The following SPPL3 variants were observed in gnomAD, a reference collection of about 807,000 sequenced individuals.
SPPL3 encodes signal peptide peptidase like 3.
In SPPL3, 5 loss-of-function variants were observed where a neutral mutation model predicts 42.4. That is an observed-to-expected ratio of 0.12 (90% confidence interval 0.06 to 0.25). The LOEUF (loss-of-function observed/expected upper bound fraction) is 0.25. Among genes scored for constraint, SPPL3 ranks in the 10% least tolerant of loss-of-function variants. The probability of loss-of-function intolerance (pLI) is 1.00; values close to 1 mark genes in which losing one functional copy is unlikely to be tolerated. For missense variants in SPPL3, 235 were observed against 489.0 expected, an observed-to-expected ratio of 0.48 and a Z score of 4.90; for synonymous variants, 195 against 181.8, an observed-to-expected ratio of 1.07 and a Z score of -0.58.
chr12:120,783,359 A>T (rs973680737), intron 5 of SPPL3, among the ~76,000 whole-genome samples: 11 of 152,296 alleles, frequency 7.2e-5, no homozygotes, highest in African/African-American at 2.2e-4. Context: ...CACTATTCTC[A>T]TATTTCATCA....
intron 1 of SPPL3, among the ~76,000 whole-genome samples, chr12:120,881,640 T>C (rs1446145595): frequency 2.0e-5 from 3 of 150,260 alleles, no homozygotes; most frequent in African/African-American, 7.4e-5. Context: ...AACTAAAAGG[T>C]GGAAGCAACT....
chr12:120,873,061 C>T (rs920769471), intron 1 of SPPL3, among the ~76,000 whole-genome samples: 2 of 152,060 alleles, frequency 1.3e-5, no homozygotes, highest in Non-Finnish European at 2.9e-5. Context: ...AACACAAGGA[C>T]GTTAAAACAA....
chr12:120,863,291 T>A (rs935364588), intron 1 of SPPL3, among the ~76,000 whole-genome samples: 2 of 151,672 alleles, frequency 1.3e-5, no homozygotes, highest in East Asian at 3.9e-4. Context: ...GAGGTTGCAG[T>A]GAGCTGAGAT....
At chr12:120,875,624 C>CAAAAAAAAAAA (rs60385982) in intron 1 of SPPL3, among the ~76,000 whole-genome samples, 1 of 103,616 alleles carries the variant, frequency 9.7e-6, no homozygotes, top group Non-Finnish European at 2.3e-5. Context: ...GACTCCATTT[C>CAAAAAAAAAAA]AAAAAAAAAA....
intron 6 of SPPL3, among the ~76,000 whole-genome samples, chr12:120,781,271 A>C (rs1296868164): frequency 6.6e-6 from 1 of 152,140 alleles, no homozygotes. Flanking sequence ...AGCCTATCTG[A>C]AAGGCAATAT....
intron 1 of SPPL3, among the ~76,000 whole-genome samples, chr12:120,852,747 T>A (rs1021453446): frequency 7.0e-5 from 5 of 71,336 alleles, no homozygotes; most frequent in Admixed American, 2.1e-4. Context: ...ATAATATATT[T>A]CATATATTAT....
chr12:120,783,853 T>A, intron 4 of SPPL3, 101 bp from the exon 5 acceptor site: 1 of 951,628 alleles, frequency 1.1e-6, no homozygotes, highest in Non-Finnish European at 1.6e-6. Flanking sequence ...TGGATACGGT[T>A]AATTGACTAG....
chr12:120,838,028 G>A (rs180821255), intron 1 of SPPL3, among the ~76,000 whole-genome samples: 7 of 152,044 alleles, frequency 4.6e-5, no homozygotes, highest in East Asian at 3.9e-4. Flanking sequence ...GCAAGACTTC[G>A]TCTCAAAAAA....
At chr12:120,827,673 C>G (rs544870524) in intron 1 of SPPL3, among the ~76,000 whole-genome samples, 1 of 152,218 alleles carries the variant, frequency 6.6e-6, no homozygotes, top group African/African-American at 2.4e-5. Flanking sequence ...CTTGTGCCCC[C>G]CAGCCTCAGC....
intron 1 of SPPL3, among the ~76,000 whole-genome samples, chr12:120,864,289 C>A (rs1872698882): frequency 6.6e-6 from 1 of 152,146 alleles, no homozygotes; most frequent in South Asian, 2.1e-4. Context: ...GATCCCAGCA[C>A]TTTGGGAGGC....
intron 1 of SPPL3, among the ~76,000 whole-genome samples, chr12:120,849,082 G>A (rs1014196699): frequency 2.0e-5 from 3 of 152,090 alleles, no homozygotes; most frequent in African/African-American, 4.8e-5. Flanking sequence ...TGGGAGGATT[G>A]CGTGAGCCCA....
In SPPL3 at chr12:120,821,909, C is replaced by T. The variant is rs111857564; in HGVS notation, c.24-11023G>A. Reference sequence around the variant, plus strand: ...TACAGCCATCCAATCAAATATTATTCATCCTTAAAAAAGAAGAAAATTCTG... The same window carrying T: ...TACAGCCATCCAATCAAATATTATTTATCCTTAAAAAAGAAGAAAATTCTG... On this transcript the variant is annotated intron_variant, in intron 1 of 10. Transcript: ENST00000353487. Among the ~76,000 whole-genome samples the T allele has an allele frequency of 8.5e-5, 13 of 152,200 alleles. 1 individual carries two copies. The highest frequency in any genetic ancestry group is 2.9e-4 in the African/African-American group (12 of 41,534).
chr12:120,877,767 G>A (rs1162831717), intron 1 of SPPL3, among the ~76,000 whole-genome samples: 1 of 140,624 alleles, frequency 7.1e-6, no homozygotes, highest in Non-Finnish European at 1.5e-5. Flanking sequence ...GGCAACAAGA[G>A]TGAAACTCCG....
intron 1 of SPPL3, among the ~76,000 whole-genome samples, chr12:120,897,717 C>T (rs559421301): frequency 8.5e-5 from 13 of 152,108 alleles, no homozygotes; most frequent in African/African-American, 1.4e-4. Flanking sequence ...AGCGAGACTC[C>T]GTCTCAAAAA....
At chr12:120,809,532 T>G (rs1870611868) in intron 2 of SPPL3, among the ~76,000 whole-genome samples, 1 of 152,206 alleles carries the variant, frequency 6.6e-6, no homozygotes, top group Admixed American at 6.5e-5. Context: ...TTATCCCTAT[T>G]ACTTCCTTTC....
intron 1 of SPPL3, among the ~76,000 whole-genome samples, chr12:120,847,215 CTAATT>C (rs1404048594): frequency 1.3e-5 from 2 of 152,038 alleles, no homozygotes; most frequent in African/African-American, 4.8e-5. Flanking sequence ...AATTTCAACA[CTAATT>C]AGAGAGGGAA....
chr12:120,818,897 A>G (rs1870965258), intron 1 of SPPL3, among the ~76,000 whole-genome samples: 1 of 152,264 alleles, frequency 6.6e-6, no homozygotes, highest in African/African-American at 2.4e-5. Flanking sequence ...TCTATTTTCC[A>G]AAACAAAACA....
In SPPL3 at chr12:120,763,819, T is replaced by TTTTTC. The variant is rs397782909; in HGVS notation, c.*1179_*1180insGAAAA. 1.3e-5 allele frequency: 2 copies of TTTTTC among 150,088 alleles called. No homozygotes were observed. The highest frequency in any genetic ancestry group is 1.9e-4 in the East Asian group (1 of 5,146). 9.3% of individuals were successfully genotyped at this position (150,088 alleles called of 1,614,324 possible). On this transcript the variant is annotated 3_prime_UTR_variant, in exon 11 of 11. Transcript: ENST00000353487. ...GTGTTGCTTTTTTCCTTTTTTTTTT[T>TTTTTC]CTTAAAGGAGTGAGGGCATGGAAAA... is the stretch of plus-strand genomic sequence containing the variant.
chr12:120,846,049 A>ACC (rs1194240827), intron 1 of SPPL3, among the ~76,000 whole-genome samples: 1 of 152,086 alleles, frequency 6.6e-6, no homozygotes, highest in African/African-American at 2.4e-5. Context: ...GGTGCATGCC[A>ACC]CCACGCCCAG....
Sources: gnomAD v4.1 joint callset for allele counts (sites outside exome capture counted in the v4.1 genomes callset) on GRCh38, gnomAD v4.1.1 for gene constraint, MANE v1.5 for transcripts, NCBI Gene and HGNC (gene_info 2026-07-23, HGNC 2026-07-21) for gene names.